Variants in MYO16 observed in about 807,000 individuals in gnomAD.
The protein encoded by MYO16 is myosin XVI.
In MYO16, 94 loss-of-function variants were observed where a neutral mutation model predicts 205.3. The observed-to-expected ratio is 0.46, with a 90% CI of 0.39 to 0.54. The LOEUF (loss-of-function observed/expected upper bound fraction) is 0.54. MYO16 is among the 20% of genes least tolerant of loss of function. The probability of loss-of-function intolerance (pLI) is 0.00; values close to 1 mark genes in which losing one functional copy is unlikely to be tolerated. For synonymous variants in MYO16, 988 were observed against 954.0 expected, an observed-to-expected ratio of 1.04 and a Z score of -0.66; for missense variants, 2,315 against 2,387.5, an observed-to-expected ratio of 0.97 and a Z score of 0.63.
chr13:109,008,859 C>T, intron 21 of MYO16, 38 bp from the exon 22 acceptor site: 1 of 1,591,188 alleles, frequency 6.3e-7, no homozygotes, highest in East Asian at 2.2e-5. Context: ...CACTACTGTA[C>T]TATCTGGTGA....
intron 15 of MYO16, among the ~76,000 whole-genome samples, chr13:108,901,537 G>T (rs58829929): frequency 1.4e-4 from 22 of 152,224 alleles, no homozygotes; most frequent in African/African-American, 4.6e-4. Flanking sequence ...AACTGTGACC[G>T]TAAATTCAAT....
chr13:108,854,422 A>G (rs1016627384), intron 10 of MYO16, among the ~76,000 whole-genome samples: 1 of 152,166 alleles, frequency 6.6e-6, no homozygotes, highest in African/African-American at 2.4e-5. Flanking sequence ...TCCTAAATTT[A>G]GTTTTATTAA....
the MYO16 span, among the ~76,000 whole-genome samples, chr13:108,580,931 C>T: frequency 6.6e-6 from 1 of 152,122 alleles, no homozygotes; most frequent in Non-Finnish European, 1.5e-5. Context: ...TCTAAGAATA[C>T]TGAGAAAAAT....
In MYO16 at chr13:108,781,109, C is replaced by T. The variant is rs576611247; in HGVS notation, c.508-4526C>T. Among the ~76,000 whole-genome samples the T allele has an allele frequency of 5.3e-5, 8 of 152,354 alleles. No homozygotes were observed. In the South Asian group the frequency reaches 1.7e-3, roughly 32 times the overall value. ...AATACATGACTCCTAATTGTATTCA[C>T]TATCACCTGTGCCCAGGTGTTTCGC... On this transcript the variant is annotated intron_variant, in intron 4 of 34. Transcript: ENST00000457511.
intron 16 of MYO16, among the ~76,000 whole-genome samples, chr13:108,940,265 C>A (rs1172654931): frequency 1.3e-5 from 2 of 152,086 alleles, no homozygotes; most frequent in Non-Finnish European, 2.9e-5. Context: ...AGATAAAATT[C>A]CGGTATTTTG....
chr13:108,942,873 C>A (rs970878451), intron 16 of MYO16, among the ~76,000 whole-genome samples: 38 of 152,202 alleles, frequency 2.5e-4, no homozygotes, highest in Admixed American at 6.5e-5. Flanking sequence ...TAAAGCTAAT[C>A]TGCTTCCCCC....
intron 4 of MYO16, among the ~76,000 whole-genome samples, chr13:108,742,569 C>G (rs1317510851): frequency 6.6e-6 from 1 of 151,960 alleles, no homozygotes; most frequent in Non-Finnish European, 1.5e-5. Flanking sequence ...ATCCAAGCAC[C>G]AATGCTCTAT....
chr13:108,856,799 T>A, intron 11 of MYO16, among the ~76,000 whole-genome samples: 1 of 152,190 alleles, frequency 6.6e-6, no homozygotes, highest in East Asian at 1.9e-4. Flanking sequence ...GCCATTACCT[T>A]CCCTTCTCTA....
intron 1 of MYO16, among the ~76,000 whole-genome samples, chr13:108,636,357 TTTTTTTTTTTTTTGTGTG>T (rs1358520391): frequency 1.6e-5 from 1 of 60,750 alleles, no homozygotes. Flanking sequence ...TTTTTTTTTT[TTTTTTTTTTTTTTGTGTG>T]TGTGTGTGTG....
chr13:108,692,083 G>C (rs1033082269), intron 2 of MYO16, among the ~76,000 whole-genome samples: 1 of 152,086 alleles, frequency 6.6e-6, no homozygotes, highest in Non-Finnish European at 1.5e-5. Context: ...TCCCTCTAAA[G>C]TTTTTGACTT....
intron 28 of MYO16, among the ~76,000 whole-genome samples, chr13:109,112,567 C>T (rs1265501370): frequency 6.6e-6 from 1 of 152,002 alleles, no homozygotes; most frequent in Non-Finnish European, 1.5e-5. Flanking sequence ...ACCAGCCTGA[C>T]CAACATGGAG....
intron 9 of MYO16, among the ~76,000 whole-genome samples, chr13:108,834,184 G>C (rs1195460816): frequency 2.0e-5 from 3 of 152,164 alleles, no homozygotes; most frequent in African/African-American, 7.2e-5. Context: ...CAAAAAGTAG[G>C]AGAGTTTCTA....
chr13:109,034,511 C>T lies in MYO16; in HGVS notation c.2797-12405C>T, dbSNP rs151117257. Among the ~76,000 whole-genome samples, 149 of 152,294 alleles carry T rather than the reference C, an allele frequency of 9.8e-4. 2 individuals are homozygous for T. The highest frequency in any genetic ancestry group is 3.3e-3 in the African/African-American group (138 of 41,558). On this transcript the variant is annotated intron_variant, in intron 23 of 34. Transcript: ENST00000457511. ...TTGCCTTCCGCCATGATTGTAAGTT[C>T]CCTGAGGCCTCCCTAGCCATGCTGA...
intron 20 of MYO16, among the ~76,000 whole-genome samples, chr13:108,968,700 A>T (rs751906192): frequency 5.9e-5 from 9 of 152,160 alleles, no homozygotes; most frequent in Non-Finnish European, 1.0e-4. Context: ...CACAGCAGAC[A>T]TGAGAAGATG....
At chr13:108,696,854 C>T (rs576413936) in intron 2 of MYO16, among the ~76,000 whole-genome samples, 26 of 152,066 alleles carry the variant, frequency 1.7e-4, no homozygotes, top group African/African-American at 6.0e-4. Context: ...TTGTTTCTTT[C>T]TTCTAGTTGT....
intron 1 of MYO16, among the ~76,000 whole-genome samples, chr13:108,648,254 A>C (rs1880842235): frequency 6.6e-6 from 1 of 152,196 alleles, no homozygotes; most frequent in Admixed American, 6.5e-5. Flanking sequence ...TGGCTTTAAT[A>C]TTCCCTGGGC....
At chr13:108,993,930 C>T (rs971352276) in intron 21 of MYO16, among the ~76,000 whole-genome samples, 4 of 152,050 alleles carry the variant, frequency 2.6e-5, no homozygotes, top group Admixed American at 6.6e-5. Flanking sequence ...TCCTGGTAAG[C>T]GACATGTAGA....
intron 34 of MYO16, among the ~76,000 whole-genome samples, chr13:109,205,595 T>TA (rs942405176): frequency 6.6e-5 from 10 of 151,868 alleles, no homozygotes; most frequent in African/African-American, 1.9e-4. Context: ...ATTTTTTTTT[T>TA]AAACCAGTAT....
At chr13:108,814,435 CT>C (rs1249857732) in intron 7 of MYO16, among the ~76,000 whole-genome samples, 1 of 151,070 alleles carries the variant, frequency 6.6e-6, no homozygotes, top group African/African-American at 2.4e-5. Flanking sequence ...CTTTCATTTT[CT>C]TCTTTCCTTC....
Sources: gnomAD v4.1 joint callset for allele counts (sites outside exome capture counted in the v4.1 genomes callset) on GRCh38, gnomAD v4.1.1 for gene constraint, MANE v1.5 for transcripts, NCBI Gene and HGNC (gene_info 2026-07-23, HGNC 2026-07-21) for gene names.